The following HORMAD1 variants were observed in gnomAD, a reference collection of about 807,000 sequenced individuals.
HORMAD1 encodes HORMA domain containing 1.
A neutral mutation model predicts 58.2 loss-of-function variants in HORMAD1; 33 were observed. That is an observed-to-expected ratio of 0.57 (90% CI 0.43 to 0.76). The LOEUF (loss-of-function observed/expected upper bound fraction) is 0.76. Ranked by LOEUF, HORMAD1 falls within the 30% of genes least tolerant of loss-of-function variation. The probability of loss-of-function intolerance (pLI) is 0.00; values close to 1 mark genes in which losing one functional copy is unlikely to be tolerated. For synonymous variants in HORMAD1, 137 were observed against 144.6 expected (o/e 0.95, Z 0.38); for missense variants, 363 against 462.0 (o/e 0.79, Z 1.96).
At chr1:150,700,018 A>G (rs1651490324) in intron 14 of HORMAD1, 94 bp downstream of exon 14, 1 of 613,082 alleles carries the variant, frequency 1.6e-6, no homozygotes, top group Admixed American at 2.9e-5. Context: ...GGTACATCGA[A>G]AGATATCAAA....
chr1:150,714,516 T>C, intron 4 of HORMAD1, 99 bp downstream of exon 4: 1 of 513,774 alleles, frequency 1.9e-6, no homozygotes, highest in Middle Eastern at 3.4e-4. Flanking sequence ...TAAAGGGTGA[T>C]TCACTAAAAT....
chr1:150,714,990 G>A (rs1245152184), intron 3 of HORMAD1, among the ~76,000 whole-genome samples: 5 of 151,862 alleles, frequency 3.3e-5, no homozygotes, highest in East Asian at 3.9e-4. Flanking sequence ...TCCTCATGTT[G>A]GGCAGACTAG....
chr1:150,708,498 C>A, intron 8 of HORMAD1, 91 bp from the exon 9 acceptor site: 1 of 825,634 alleles, frequency 1.2e-6, no homozygotes, highest in Non-Finnish European at 1.8e-6. Context: ...ATTCTTATTT[C>A]TATTATAGCA....
At position 150,704,269 on chromosome 1, in the gene HORMAD1, C is replaced by A. The variant is rs988140181; in HGVS notation, c.871+8G>T. On this transcript the variant is annotated splice_region_variant and intron_variant, in intron 11 of 14. Transcript: ENST00000361824. ...GTGAGTTAATGTACATTTTCATTAACTTCTTACCTTCAAGTTCAGAAGATG... is the reference window on the plus strand; with the variant it reads ...GTGAGTTAATGTACATTTTCATTAAATTCTTACCTTCAAGTTCAGAAGATG... 1 of 1,576,164 alleles carries A rather than the reference C, an allele frequency of 6.3e-7. No individual in the cohort carries two copies. The highest frequency in any genetic ancestry group is 1.4e-5 in the African/African-American group (1 of 72,786).
chr1:150,708,476 T>A, intron 8 of HORMAD1, 69 bp from the exon 9 acceptor site: 1 of 1,020,958 alleles, frequency 9.8e-7, no homozygotes, highest in Non-Finnish European at 1.4e-6. Flanking sequence ...CTTTACATTT[T>A]AACTATTTGA....
At chr1:150,709,045 AT>A in intron 7 of HORMAD1, 84 bp from the exon 8 acceptor site, 1 of 722,068 alleles carries the variant, frequency 1.4e-6, no homozygotes, top group Non-Finnish European at 2.5e-6. Flanking sequence ...ATGACTCAAC[AT>A]TTAGTCAATA....
At position 150,704,111 on chromosome 1, in the gene HORMAD1, T is replaced by C; in HGVS notation, c.948+7A>G. ...ACAAAAGTGAGATGAAACTATCAAG[T>C]TTATACCTGAGAATGAGAAATAGAA... On this transcript the variant is annotated splice_region_variant and intron_variant, in intron 12 of 14. Transcript: ENST00000361824. 6.4e-7 allele frequency: 1 copy of C among 1,560,918 alleles called. No homozygotes were observed. Among genetic ancestry groups the C allele is most frequent in the South Asian group, 1.2e-5 (1 of 82,978 alleles).
chr1:150,703,572 A>G (rs187977755), intron 12 of HORMAD1, among the ~76,000 whole-genome samples, 179 bp from the exon 13 acceptor site: 2 of 152,324 alleles, frequency 1.3e-5, no homozygotes, highest in South Asian at 4.1e-4. Context: ...AGTGAAACTG[A>G]CACTTTACAT....
chr1:150,720,473 G>C (rs901934633), intron 1 of HORMAD1, among the ~76,000 whole-genome samples: 1 of 152,182 alleles, frequency 6.6e-6, no homozygotes, highest in Non-Finnish European at 1.5e-5. Context: ...ACAGGAAGTT[G>C]TGTGTCCGGA....
In HORMAD1 at chr1:150,711,641, C is replaced by T. The variant is rs57127659; in HGVS notation, c.301-70G>A. ...TCAAGAACTAAATTAGATGTTTAGA[C>T]TAAACTTCATGTGAACTCAGCAAAA... On this transcript the variant is annotated intron_variant, in intron 6 of 14. Coordinates refer to ENST00000361824, the MANE Select transcript of HORMAD1 (RefSeq NM_032132.5). 19,413 of 1,230,338 alleles carry T rather than the reference C, an allele frequency of 0.016. 2,233 individuals carry two copies. The African/African-American group carries it at 0.25, about 16-fold the overall frequency. 76.2% of individuals were successfully genotyped at this position (1,230,338 alleles called of 1,614,324 possible).
chr1:150,710,523 T>G (rs1188879209), intron 7 of HORMAD1, among the ~76,000 whole-genome samples: 2 of 152,212 alleles, frequency 1.3e-5, no homozygotes, highest in African/African-American at 4.8e-5. Flanking sequence ...AATTTACTGA[T>G]AGAAAAAATG....
intron 8 of HORMAD1, among the ~76,000 whole-genome samples, chr1:150,708,670 C>T (rs587617901): frequency 2.0e-5 from 3 of 152,130 alleles, no homozygotes; most frequent in Non-Finnish European, 4.4e-5. Flanking sequence ...TTCTATATTT[C>T]TAATCACCTA....
At chr1:150,711,515 A>G (rs768947580) in intron 7 of HORMAD1, 30 bp downstream of exon 7, 57 of 1,490,144 alleles carry the variant, frequency 3.8e-5, no homozygotes, top group Non-Finnish European at 6.5e-6. Flanking sequence ...TAGAGGCATT[A>G]TGTTTCTTTA....
At chr1:150,698,959 A>T in intron 14 of HORMAD1, 2 of 394,012 alleles carry the variant, frequency 5.1e-6, no homozygotes, top group Admixed American at 4.4e-5. Context: ...AATCTTCAGT[A>T]GGGCTGCTCT....
chr1:150,714,656 T>C lies in HORMAD1; in HGVS notation c.201A>G (p.Arg67=). The change falls in exon 4 of 15, where the codon AGA becomes AGG. Residue 67 remains arginine (R), a synonymous_variant. Transcript: ENST00000361824. ...YLDDLCVKIL[R]EDKNCPGSTQ... ...TAGATCCTGGGCAATTTTTATCTTC[T>C]CTCAGTATTTTGACACAAAGATCTA... 6.6e-7 allele frequency: 1 copy of C among 1,511,430 alleles called. No homozygotes were observed. The highest frequency in any genetic ancestry group is 9.0e-7 in the Non-Finnish European group (1 of 1,112,992). The allele number at this position is 1,511,430 out of a possible 1,614,324, so 93.6% of individuals were successfully genotyped here.
At position 150,704,099 on chromosome 1, in the gene HORMAD1, G is replaced by C. The variant is rs1197667129; in HGVS notation, c.948+19C>G. On this transcript the variant is annotated intron_variant, in intron 12 of 14. Coordinates refer to ENST00000361824, the MANE Select transcript of HORMAD1 (RefSeq NM_032132.5). ...CCTGTGAACAAAACAAAAGTGAGAT[G>C]AAACTATCAAGTTTATACCTGAGAA... 3 of 1,519,940 alleles carry C rather than the reference G, an allele frequency of 2.0e-6. No homozygotes were observed. Among genetic ancestry groups the C allele is most frequent in the Non-Finnish European group, 2.7e-6 (3 of 1,124,492 alleles). The allele number at this position is 1,519,940 out of a possible 1,614,324, so 94.2% of individuals were successfully genotyped here.
At chr1:150,700,902 T>C (rs1651517897) in intron 13 of HORMAD1, among the ~76,000 whole-genome samples, 1 of 152,184 alleles carries the variant, frequency 6.6e-6, no homozygotes, top group Middle Eastern at 3.2e-3. Context: ...CTATTGTGAA[T>C]AATGCTGTAT....
At chr1:150,704,253 T>G (rs1338458648) in intron 11 of HORMAD1, 24 bp downstream of exon 11, 3 of 1,581,052 alleles carry the variant, frequency 1.9e-6, no homozygotes. Context: ...AGTGAGTTAA[T>G]GTACATTTTC....
chr1:150,713,798 G>A (rs1651977568), intron 5 of HORMAD1: 1 of 273,474 alleles, frequency 3.7e-6, no homozygotes, highest in South Asian at 6.1e-5. Context: ...TAAACTATTT[G>A]AAAAGACTCT....
Sources: gnomAD v4.1 joint callset for allele counts (sites outside exome capture counted in the v4.1 genomes callset) on GRCh38, gnomAD v4.1.1 for gene constraint, MANE v1.5 for transcripts, NCBI Gene and HGNC (gene_info 2026-07-23, HGNC 2026-07-21) for gene names.